Variants in GABRB1 observed in about 807,000 individuals in gnomAD.
GABRB1 encodes the protein gamma-aminobutyric acid type A receptor subunit beta1, also known as gamma-aminobutyric acid receptor subunit beta-1.
Under a neutral mutation model 51.6 loss-of-function variants are expected in GABRB1, and 17 were observed. The ratio of observed to expected loss-of-function variants is 0.33; its 90% CI spans 0.23 to 0.49. GABRB1 has a LOEUF of 0.49. Among genes scored for constraint, GABRB1 ranks in the 20% least tolerant of loss-of-function variants. The probability of loss-of-function intolerance (pLI) is 0.99; values close to 1 mark genes in which losing one functional copy is unlikely to be tolerated. For missense variants in GABRB1, 410 were observed against 600.6 expected, an observed-to-expected ratio of 0.68 and a Z score of 3.32; for synonymous variants, 247 against 218.9, an observed-to-expected ratio of 1.13 and a Z score of -1.14.
At chr4:47,171,909 C>G (rs1486415395) in intron 4 of GABRB1, among the ~76,000 whole-genome samples, 1 of 152,082 alleles carries the variant, frequency 6.6e-6, no homozygotes, top group Admixed American at 6.6e-5. Context: ...AAATAGTCAT[C>G]CAGAAGCCAC....
intron 4 of GABRB1, among the ~76,000 whole-genome samples, chr4:47,226,449 G>A (rs1289680755): frequency 6.6e-6 from 1 of 152,068 alleles, no homozygotes; most frequent in African/African-American, 2.4e-5. Flanking sequence ...CCAAGAAGCA[G>A]AACACAGCTC....
At chr4:47,414,876 A>C (rs1350466667) in intron 8 of GABRB1, among the ~76,000 whole-genome samples, 2 of 152,168 alleles carry the variant, frequency 1.3e-5, no homozygotes, top group East Asian at 3.9e-4. Flanking sequence ...ACAGCTCCCT[A>C]TCTGTCAGCC....
chr4:47,363,423 G>T (rs1047608493), intron 5 of GABRB1, among the ~76,000 whole-genome samples: 1 of 151,946 alleles, frequency 6.6e-6, no homozygotes, highest in African/African-American at 2.4e-5. Flanking sequence ...CACATCTCAG[G>T]CCCGAAAATC....
chr4:47,129,097 TTAA>T, intron 3 of GABRB1, among the ~76,000 whole-genome samples: 1 of 152,072 alleles, frequency 6.6e-6, no homozygotes. Context: ...TTCCAGGCAT[TTAA>T]GAGATTAAGA....
In GABRB1 at chr4:47,241,804, G is replaced by A. The variant is rs568877449; in HGVS notation, c.462-78323G>A. On this transcript the variant is annotated intron_variant, in intron 4 of 8. Transcript: ENST00000295454. ...ATAAATTATAGGTCTGGTTCCTTAA[G>A]AATTTTAAATCTAATATTCTACTTG... Among the ~76,000 whole-genome samples the A allele has an allele frequency of 2.0e-5, 3 of 152,138 alleles. No homozygotes were observed. In the South Asian group the frequency reaches 6.2e-4, roughly 32 times the overall value.
intron 4 of GABRB1, among the ~76,000 whole-genome samples, chr4:47,236,189 G>C (rs893750701): frequency 1.3e-5 from 2 of 151,856 alleles, no homozygotes; most frequent in Admixed American, 1.3e-4. Flanking sequence ...ATTCATTTCA[G>C]TTTATCCTTT....
At chr4:47,404,810 C>T (rs1204300378) in intron 7 of GABRB1, among the ~76,000 whole-genome samples, 2 of 152,112 alleles carry the variant, frequency 1.3e-5, no homozygotes, top group Admixed American at 6.6e-5. Context: ...ATATGCTACA[C>T]TTAAGAAAAA....
At chr4:47,113,184 G>A (rs4694835) in intron 3 of GABRB1, among the ~76,000 whole-genome samples, 48,417 of 151,888 alleles carry the variant, frequency 0.32, 8,094 homozygotes, top group Middle Eastern at 0.45. Flanking sequence ...TCGAGAGTTC[G>A]AGATCAGCCT....
chr4:47,231,113 C>G (rs1007789758), intron 4 of GABRB1, among the ~76,000 whole-genome samples: 1 of 152,166 alleles, frequency 6.6e-6, no homozygotes, highest in African/African-American at 2.4e-5. Flanking sequence ...ACCTTTGTCC[C>G]TCCTAAAGCC....
intron 5 of GABRB1, among the ~76,000 whole-genome samples, chr4:47,338,534 G>A (rs1239424151): frequency 6.6e-6 from 1 of 152,164 alleles, no homozygotes; most frequent in African/African-American, 2.4e-5. Flanking sequence ...CCACAGGCTA[G>A]CGACTCAATT....
intron 5 of GABRB1, among the ~76,000 whole-genome samples, chr4:47,377,508 C>A (rs1254017836): frequency 6.6e-6 from 1 of 151,750 alleles, no homozygotes; most frequent in Non-Finnish European, 1.5e-5. Context: ...CCAATGTGGA[C>A]CCAAAGAATG....
intron 3 of GABRB1, among the ~76,000 whole-genome samples, chr4:47,108,123 C>T (rs1408205205): frequency 6.6e-6 from 1 of 152,046 alleles, no homozygotes; most frequent in Non-Finnish European, 1.5e-5. Flanking sequence ...TGTTATTCAT[C>T]TCTGAACTTT....
intron 4 of GABRB1, among the ~76,000 whole-genome samples, chr4:47,211,608 T>C (rs1026200124): frequency 1.3e-5 from 2 of 152,218 alleles, no homozygotes; most frequent in African/African-American, 4.8e-5. Flanking sequence ...TGTATATTAG[T>C]GTCCTATTGC....
chr4:47,015,964 A>G (rs1269600967), intron 1 of GABRB1, among the ~76,000 whole-genome samples: 1 of 152,240 alleles, frequency 6.6e-6, no homozygotes, highest in Non-Finnish European at 1.5e-5. Context: ...GGTTTTGGCC[A>G]AATGCCACAG....
intron 4 of GABRB1, among the ~76,000 whole-genome samples, chr4:47,259,815 C>G (rs1722355831): frequency 6.6e-6 from 1 of 152,130 alleles, no homozygotes; most frequent in African/African-American, 2.4e-5. Flanking sequence ...CTCTAGTATT[C>G]TCAACCCTAG....
At position 47,156,185 on chromosome 4, in the gene GABRB1, C is replaced by T. The variant is rs550285943; in HGVS notation, c.241-5064C>T. On this transcript the variant is annotated intron_variant, in intron 3 of 8. Coordinates refer to ENST00000295454, the MANE Select transcript of GABRB1 (RefSeq NM_000812.4). ...AGTCGCTGTACTTTGCATTCCTCCC[C>T]GTATACAAGGGTTCCCTTTTCTCCA... Among the ~76,000 whole-genome samples, 9 of 151,820 alleles carry T rather than the reference C, an allele frequency of 5.9e-5. No homozygotes were observed. The South Asian group carries it at 8.3e-4, about 14-fold the overall frequency.
chr4:47,291,593 G>A (rs1324120710), intron 4 of GABRB1, among the ~76,000 whole-genome samples: 1 of 152,156 alleles, frequency 6.6e-6, no homozygotes, highest in Non-Finnish European at 1.5e-5. Flanking sequence ...CAACTAGGAG[G>A]GGGGCTATAC....
At chr4:47,418,250 C>T (rs1472217887) in intron 8 of GABRB1, among the ~76,000 whole-genome samples, 1 of 152,184 alleles carries the variant, frequency 6.6e-6, no homozygotes, top group Non-Finnish European at 1.5e-5. Context: ...GGAATCATTT[C>T]TTGCAATTGT....
At position 47,124,044 on chromosome 4, in the gene GABRB1, T is replaced by A. The variant is rs769730639; in HGVS notation, c.241-37205T>A. Reference sequence around the variant, plus strand: ...CTGGCATATATATACCTGAAAAAAATATATATATACACATCTAACTATACA... The same window carrying A: ...CTGGCATATATATACCTGAAAAAAAAATATATATACACATCTAACTATACA... On this transcript the variant is annotated intron_variant, in intron 3 of 8. Coordinates refer to ENST00000295454, the MANE Select transcript of GABRB1 (RefSeq NM_000812.4). 1.8e-4 allele frequency among the ~76,000 whole-genome samples: 25 copies of A among 141,086 alleles called. No individual in the cohort carries two copies. The East Asian group carries it at 2.1e-3, about 12-fold the overall frequency. The allele number at this position is 141,086 out of a possible 152,430, so 92.6% of individuals were successfully genotyped here.
Sources: gnomAD v4.1 joint callset for allele counts (sites outside exome capture counted in the v4.1 genomes callset) on GRCh38, gnomAD v4.1.1 for gene constraint, MANE v1.5 for transcripts, NCBI Gene and HGNC (gene_info 2026-07-23, HGNC 2026-07-21) for gene names.